Variants in MAP3K4 observed in about 807,000 individuals in gnomAD.
The protein encoded by MAP3K4 is mitogen-activated protein kinase kinase kinase 4.
Under a neutral mutation model 185.6 loss-of-function variants are expected in MAP3K4, and 67 were observed. The observed-to-expected ratio is 0.36, with a 90% CI of 0.30 to 0.44. The LOEUF is 0.44. Among genes scored for constraint, MAP3K4 ranks in the 20% least tolerant of loss-of-function variants. The pLI, the probability that MAP3K4 is intolerant of heterozygous loss-of-function variation, is 1.00. For synonymous variants in MAP3K4, 702 were observed against 710.4 expected (o/e 0.99, Z 0.19); for missense variants, 1,551 against 1,995.1 (o/e 0.78, Z 4.24).
chr6:161,016,671 ACT>A (rs1167963650), intron 1 of MAP3K4, among the ~76,000 whole-genome samples: 2 of 152,038 alleles, frequency 1.3e-5, no homozygotes, highest in African/African-American at 2.4e-5. Context: ...TTATAGCTGG[ACT>A]CTCTCAGTTC....
At position 161,116,842 on chromosome 6, in the gene MAP3K4, C is replaced by T. The variant is rs758407840; in HGVS notation, c.4807-8C>T. 2 of 1,614,070 alleles carry T rather than the reference C, an allele frequency of 1.2e-6. No homozygotes were observed. The highest frequency in any genetic ancestry group is 1.7e-6 in the Non-Finnish European group (2 of 1,179,942). On this transcript the variant is annotated splice_region_variant and splice_polypyrimidine_tract_variant and intron_variant, in intron 26 of 26. Coordinates refer to ENST00000392142, the MANE Select transcript of MAP3K4 (RefSeq NM_005922.4). The surrounding 1 kb of genome is among the most constrained non-coding windows in gnomAD (Gnocchi z 6.2). ...GCAAGAGCTCAGCTCTCTCCTGCTT[C>T]CTCACAGGTTTGCACAGATGAAGAA...
chr6:160,994,093 A>G (rs1261372952), intron 1 of MAP3K4, among the ~76,000 whole-genome samples: 1 of 151,620 alleles, frequency 6.6e-6, no homozygotes, highest in Non-Finnish European at 1.5e-5. Flanking sequence ...AGCTCAGTGT[A>G]CGTGTTCAAA....
chr6:161,097,287 T>C lies in MAP3K4; in HGVS notation c.3524+111T>C. 6 of 856,980 alleles carry C rather than the reference T, an allele frequency of 7.0e-6. No homozygotes were observed. The highest frequency in any genetic ancestry group is 1.1e-5 in the Non-Finnish European group (6 of 535,862). The allele number at this position is 856,980 out of a possible 1,614,324, so 53.1% of individuals were successfully genotyped here. On this transcript the variant is annotated intron_variant, in intron 16 of 26. Coordinates refer to ENST00000392142, the MANE Select transcript of MAP3K4 (RefSeq NM_005922.4). This position sits in a 1 kb window ranked among gnomAD's most constrained non-coding sequence, Gnocchi z 4.9. The stretch of plus-strand genomic sequence containing the variant: ...CTGAGAGCTAAATACCTTTTCTGCA[T>C]TGTTCGTACGTAAAAGCTCTTACTT...
chr6:161,083,277 C>A (rs1785543797), intron 6 of MAP3K4, among the ~76,000 whole-genome samples: 1 of 152,200 alleles, frequency 6.6e-6, no homozygotes, highest in African/African-American at 2.4e-5. Context: ...ATAGCACTTA[C>A]CAATAACCTG....
Position 161,112,057 on chromosome 6 carries a change from A to G in MAP3K4, c.4519+99A>G. 6.7e-7 allele frequency: 1 copy of G among 1,493,578 alleles called. No individual in the cohort carries two copies. Among genetic ancestry groups the G allele is most frequent in the African/African-American group, 1.4e-5 (1 of 72,018 alleles). The allele number at this position is 1,493,578 out of a possible 1,614,324, so 92.5% of individuals were successfully genotyped here. Reference sequence around the variant, plus strand: ...CTTTGTTTGTCAGTAGAGATGGGAGAGCAGGTAAAGGTTTTCAGTCGTGAG... The same window carrying G: ...CTTTGTTTGTCAGTAGAGATGGGAGGGCAGGTAAAGGTTTTCAGTCGTGAG... On this transcript the variant is annotated intron_variant, in intron 24 of 26. Transcript: ENST00000392142. The surrounding 1 kb of genome is among the most constrained non-coding windows in gnomAD (Gnocchi z 5.1).
At chr6:161,002,608 T>TTC (rs1263534983) in intron 1 of MAP3K4, among the ~76,000 whole-genome samples, 1 of 149,200 alleles carries the variant, frequency 6.7e-6, no homozygotes, top group Non-Finnish European at 1.5e-5. Flanking sequence ...TTTTTTTTTT[T>TTC]TGAGATGGAG....
At chr6:161,085,243 T>C (rs1785651554) in intron 7 of MAP3K4, among the ~76,000 whole-genome samples, 2 of 152,172 alleles carry the variant, frequency 1.3e-5, no homozygotes, top group South Asian at 4.1e-4. Flanking sequence ...TTTATATTAG[T>C]TTCTGTTCTT....
At position 161,108,897 on chromosome 6, in the gene MAP3K4, C is replaced by T. The variant is rs1778225317; in HGVS notation, c.4236+38C>T. The T allele has an allele frequency of 6.3e-7, 1 of 1,591,036 alleles. No homozygotes were observed. Among genetic ancestry groups the T allele is most frequent in the Non-Finnish European group, 8.6e-7 (1 of 1,159,050 alleles). ...TAATGCCACTCTTTGTGTGAGGAAT[C>T]AGTGAGGGCACAGAATGGAGTCCTG... On this transcript the variant is annotated intron_variant, in intron 22 of 26. Transcript: ENST00000392142. This position sits in a 1 kb window ranked among gnomAD's most constrained non-coding sequence, Gnocchi z 5.7.
At chr6:161,090,622 GCGCA>G in intron 11 of MAP3K4, among the ~76,000 whole-genome samples, 1 of 60,750 alleles carries the variant, frequency 1.6e-5, no homozygotes, top group South Asian at 1.4e-3. Context: ...GGGCCGTCCT[GCGCA>G]TTGTAGGATG....
rs752300479 is a variant in MAP3K4 at position 161,053,764 on chromosome 6, T to C, written c.1707+3785T>C. Among the ~76,000 whole-genome samples, 3 of 151,908 alleles carry C rather than the reference T, an allele frequency of 2.0e-5. No homozygotes were observed. Among genetic ancestry groups the C allele is most frequent in the Non-Finnish European group, 1.5e-5 (1 of 67,950 alleles). ...GCACCACCATGCCTGGCTAATTTTT[T>C]GTGTTTTTAATAGAGACGGGGGTTT... On this transcript the variant is annotated intron_variant, in intron 3 of 26. Coordinates refer to ENST00000392142, the MANE Select transcript of MAP3K4 (RefSeq NM_005922.4). The surrounding 1 kb of genome is among the most constrained non-coding windows in gnomAD (Gnocchi z 4.2).
chr6:161,012,894 T>G (rs1316212507), intron 1 of MAP3K4, among the ~76,000 whole-genome samples: 2 of 152,196 alleles, frequency 1.3e-5, no homozygotes, highest in Non-Finnish European at 2.9e-5. Flanking sequence ...TATAACATCA[T>G]TTAAAAATGG....
chr6:161,099,680 C>G (rs1223570176), intron 17 of MAP3K4, among the ~76,000 whole-genome samples: 1 of 152,194 alleles, frequency 6.6e-6, no homozygotes, highest in African/African-American at 2.4e-5. Context: ...CCACCCTGTG[C>G]CCCCTGCATC....
Position 161,087,223 on chromosome 6 carries a change from CAT to C in MAP3K4, c.2557-464_2557-463del, listed in dbSNP as rs1308065584. 5.9e-5 allele frequency among the ~76,000 whole-genome samples: 9 copies of C among 152,224 alleles called. No homozygotes were observed. On this transcript the variant is annotated intron_variant, in intron 9 of 26. Coordinates refer to ENST00000392142, the MANE Select transcript of MAP3K4 (RefSeq NM_005922.4). The surrounding 1 kb of genome is among the most constrained non-coding windows in gnomAD (Gnocchi z 4.9). ...AGGGATGACCTGCAGCGTGCCACCA[CAT>C]GTGTACCCTTTGAGAAACTGATCTC... is the stretch of plus-strand genomic sequence containing the variant.
chr6:160,995,603 T>A (rs1780950396), intron 1 of MAP3K4, among the ~76,000 whole-genome samples: 1 of 152,244 alleles, frequency 6.6e-6, no homozygotes, highest in Non-Finnish European at 1.5e-5. Flanking sequence ...TGCTGTCAGT[T>A]GTGGATACTT....
chr6:161,044,584 T>C (rs1039384162), intron 2 of MAP3K4, among the ~76,000 whole-genome samples: 2 of 152,194 alleles, frequency 1.3e-5, no homozygotes, highest in East Asian at 3.8e-4. Context: ...CTTATGATTT[T>C]ATAGAGGCCT....
intron 1 of MAP3K4, among the ~76,000 whole-genome samples, chr6:161,016,098 T>C (rs1015101024): frequency 5.9e-5 from 9 of 152,206 alleles, no homozygotes; most frequent in Non-Finnish European, 1.0e-4. Flanking sequence ...AAGTGCTGTC[T>C]GATTATAGTT....
At chr6:161,102,873 T>G in intron 19 of MAP3K4, 94 bp downstream of exon 19, 1 of 782,208 alleles carries the variant, frequency 1.3e-6, no homozygotes, top group Admixed American at 3.4e-5. Context: ...TGATTTAGCT[T>G]CTGAATTATT....
At chr6:161,055,372 C>T (rs959292433) in intron 3 of MAP3K4, among the ~76,000 whole-genome samples, 1 of 152,196 alleles carries the variant, frequency 6.6e-6, no homozygotes, top group South Asian at 2.1e-4. Flanking sequence ...AAAACTACTG[C>T]ATACAATTGT....
At chr6:161,099,993 T>C (rs555528120) in intron 17 of MAP3K4, among the ~76,000 whole-genome samples, 2 of 152,364 alleles carry the variant, frequency 1.3e-5, no homozygotes, top group Non-Finnish European at 2.9e-5. Flanking sequence ...ATTTTAATAG[T>C]ATCATAGCAT....
Sources: allele counts gnomAD v4.1 joint callset (sites outside exome capture counted in the v4.1 genomes callset), GRCh38; gene constraint gnomAD v4.1.1; non-coding constraint Gnocchi (gnomAD v3.1); transcripts MANE v1.5; gene names NCBI Gene and HGNC (gene_info 2026-07-23, HGNC 2026-07-21).